ZMAT4: variants seen among roughly 807,000 people sequenced by gnomAD.
ZMAT4 encodes zinc finger matrin-type 4.
A neutral mutation model predicts 28.7 loss-of-function variants in ZMAT4; 17 were observed. The observed-to-expected ratio is 0.59, with a 90% CI of 0.41 to 0.89. The LOEUF (loss-of-function observed/expected upper bound fraction) is 0.89, where lower values mean the gene tolerates loss of function less well. Ranked by LOEUF, ZMAT4 falls within the 40% of genes least tolerant of loss-of-function variation. The pLI is 0.00. For missense variants in ZMAT4, 240 were observed against 283.8 expected (o/e 0.85, Z 1.11); for synonymous variants, 117 against 109.2 (o/e 1.07, Z -0.44).
At chr8:40,833,439 G>T (rs894601199) in intron 1 of ZMAT4, among the ~76,000 whole-genome samples, 1 of 150,638 alleles carries the variant, frequency 6.6e-6, no homozygotes, top group African/African-American at 2.4e-5. Context: ...GTGGTGGTGC[G>T]TGCCTGTAAT....
intron 2 of ZMAT4, among the ~76,000 whole-genome samples, chr8:40,797,984 A>T (rs1016706262): frequency 6.6e-6 from 1 of 152,324 alleles, no homozygotes; most frequent in East Asian, 1.9e-4. Flanking sequence ...GGGAGGCAGT[A>T]TCAGGTGTCC....
At chr8:40,743,382 C>A (rs1333693343) in intron 3 of ZMAT4, among the ~76,000 whole-genome samples, 1 of 152,154 alleles carries the variant, frequency 6.6e-6, no homozygotes. Context: ...TCGGGAGGAG[C>A]CCCAGACAGC....
intron 5 of ZMAT4, among the ~76,000 whole-genome samples, chr8:40,627,003 C>T (rs1218796830): frequency 6.6e-6 from 1 of 152,166 alleles, no homozygotes; most frequent in African/African-American, 2.4e-5. Context: ...GATCCACGCC[C>T]TTTATGGGTC....
intron 4 of ZMAT4, among the ~76,000 whole-genome samples, chr8:40,695,703 A>G (rs1809852895): frequency 6.6e-6 from 1 of 151,248 alleles, no homozygotes; most frequent in Admixed American, 6.6e-5. Flanking sequence ...CAGGAAAACA[A>G]TTGGATGCTT....
chr8:40,897,246 G>A (rs999473656), intron 1 of ZMAT4, among the ~76,000 whole-genome samples: 9 of 152,138 alleles, frequency 5.9e-5, no homozygotes, highest in Admixed American at 3.9e-4. Context: ...AATAGTTTGG[G>A]GAAGGCAGAT....
intron 1 of ZMAT4, among the ~76,000 whole-genome samples, chr8:40,861,749 AGT>A (rs1817501327): frequency 6.6e-6 from 1 of 152,240 alleles, no homozygotes. Context: ...CCCATCAACA[AGT>A]GGGCAAAGGA....
intron 1 of ZMAT4, among the ~76,000 whole-genome samples, chr8:40,839,532 A>G (rs1047716264): frequency 3.9e-5 from 6 of 152,280 alleles, no homozygotes; most frequent in African/African-American, 1.2e-4. Flanking sequence ...TTGTATGTTT[A>G]TTACAGCACT....
At chr8:40,887,464 G>A (rs1465204439) in intron 1 of ZMAT4, among the ~76,000 whole-genome samples, 1 of 149,070 alleles carries the variant, frequency 6.7e-6, no homozygotes, top group Non-Finnish European at 1.5e-5. Flanking sequence ...ACTCCAGCCT[G>A]AGCGACATAG....
chr8:40,608,059 G>A (rs2589882), intron 5 of ZMAT4, among the ~76,000 whole-genome samples: 116,746 of 151,964 alleles, frequency 0.77, 45,034 homozygotes, highest in East Asian at 0.97. Context: ...TGGTAGTATA[G>A]GGAGGATACA....
intron 4 of ZMAT4, among the ~76,000 whole-genome samples, chr8:40,677,459 T>C (rs1808959904): frequency 2.6e-5 from 4 of 152,192 alleles, no homozygotes; most frequent in African/African-American, 9.6e-5. Context: ...GTGAGCTGTG[T>C]GACCTTTGGC....
At chr8:40,541,550 G>A (rs721176) in intron 6 of ZMAT4, among the ~76,000 whole-genome samples, 17,080 of 152,132 alleles carry the variant, frequency 0.11, 2,981 homozygotes, top group African/African-American at 0.38. Flanking sequence ...TCAAGTATTA[G>A]CAATCGAGTC....
At chr8:40,862,115 G>A (rs1037584814) in intron 1 of ZMAT4, among the ~76,000 whole-genome samples, 6 of 141,054 alleles carry the variant, frequency 4.3e-5, no homozygotes, top group South Asian at 2.3e-4. Context: ...AAAGACACAC[G>A]CACACGTATG....
At chr8:40,741,633 C>T (rs979372026) in intron 3 of ZMAT4, among the ~76,000 whole-genome samples, 2 of 152,038 alleles carry the variant, frequency 1.3e-5, no homozygotes, top group African/African-American at 4.8e-5. Flanking sequence ...TTTCATATAT[C>T]GGTGCTGGGA....
intron 2 of ZMAT4, among the ~76,000 whole-genome samples, chr8:40,773,354 A>G (rs970278273): frequency 6.6e-6 from 1 of 152,178 alleles, no homozygotes; most frequent in South Asian, 2.1e-4. Flanking sequence ...GGGCTACTGA[A>G]ATGGTCTTTA....
At chr8:40,649,039 A>G (rs1257715167) in intron 5 of ZMAT4, among the ~76,000 whole-genome samples, 1 of 148,912 alleles carries the variant, frequency 6.7e-6, no homozygotes, top group African/African-American at 2.5e-5. Flanking sequence ...TAACCAGCTA[A>G]CATCATAATG....
At chr8:40,876,482 T>C (rs544035962) in intron 1 of ZMAT4, among the ~76,000 whole-genome samples, 176 of 151,984 alleles carry the variant, frequency 1.2e-3, no homozygotes, top group African/African-American at 4.0e-3. Flanking sequence ...CTGGATACTT[T>C]TTTAAAACAT....
intron 5 of ZMAT4, among the ~76,000 whole-genome samples, chr8:40,587,737 A>G (rs1248616731): frequency 6.6e-6 from 1 of 152,128 alleles, no homozygotes; most frequent in East Asian, 1.9e-4. Context: ...TAGAAAACAG[A>G]TAGCAAAATT....
chr8:40,733,631 G>C (rs1000168229), intron 3 of ZMAT4, among the ~76,000 whole-genome samples: 1 of 152,080 alleles, frequency 6.6e-6, no homozygotes, highest in South Asian at 2.1e-4. Context: ...CGCTGTTCTT[G>C]GTGGAGCCTT....
intron 4 of ZMAT4, among the ~76,000 whole-genome samples, chr8:40,679,228 A>G (rs1476701688): frequency 6.6e-6 from 1 of 152,150 alleles, no homozygotes; most frequent in Non-Finnish European, 1.5e-5. Context: ...CCTGTTGGAT[A>G]TGTTGTCTTG....
Sources: allele counts gnomAD v4.1 joint callset (sites outside exome capture counted in the v4.1 genomes callset), GRCh38; gene constraint gnomAD v4.1.1; transcripts MANE v1.5; gene names NCBI Gene and HGNC (gene_info 2026-07-23, HGNC 2026-07-21).